Variants in PPP3CB observed in about 807,000 individuals in gnomAD.
PPP3CB encodes the protein serine/threonine-protein phosphatase 2B catalytic subunit beta isoform.
PPP3CB carries 8 observed loss-of-function variants against 66.4 expected under a neutral mutation model. The ratio of observed to expected loss-of-function variants is 0.12; its 90% CI spans 0.07 to 0.22. The LOEUF is 0.22. Ranked by LOEUF, PPP3CB falls within the 10% of genes least tolerant of loss-of-function variation. PPP3CB has a pLI of 1.00. For missense variants in PPP3CB, 319 were observed against 642.5 expected, an observed-to-expected ratio of 0.50 and a Z score of 5.44; for synonymous variants, 208 against 221.2, an observed-to-expected ratio of 0.94 and a Z score of 0.53.
At chr10:73,463,458 T>C (rs1564557516) in intron 9 of PPP3CB, among the ~76,000 whole-genome samples, 1 of 152,234 alleles carries the variant, frequency 6.6e-6, no homozygotes, top group Non-Finnish European at 1.5e-5. Flanking sequence ...CTTTTTCTAC[T>C]ACTGTCCTTC....
intron 9 of PPP3CB, among the ~76,000 whole-genome samples, chr10:73,464,193 G>T: frequency 6.6e-6 from 1 of 152,178 alleles, no homozygotes. Context: ...CTCCCAAAGT[G>T]CTGGGATTAC....
intron 12 of PPP3CB, among the ~76,000 whole-genome samples, chr10:73,441,025 T>C (rs888470807): frequency 6.6e-6 from 1 of 152,214 alleles, no homozygotes; most frequent in African/African-American, 2.4e-5. Flanking sequence ...ACTCAGAATA[T>C]TTGTAAAAGT....
At position 73,481,364 on chromosome 10, in the gene PPP3CB, C is replaced by A. The variant is rs533156278; in HGVS notation, c.86-1847G>T. On this transcript the variant is annotated intron_variant, in intron 1 of 13. Coordinates refer to ENST00000360663, the MANE Select transcript of PPP3CB (RefSeq NM_021132.4). The stretch of plus-strand genomic sequence containing the variant: ...GTGCACACCTGTAGTCCCAGCTACT[C>A]AAGAGGGTGACGCAGGAGAATCACT... Among the ~76,000 whole-genome samples the A allele has an allele frequency of 3.3e-5, 5 of 151,276 alleles. No individual in the cohort carries two copies. In the South Asian group the frequency reaches 8.3e-4, roughly 25 times the overall value.
At chr10:73,481,698 T>C (rs887300864) in intron 1 of PPP3CB, among the ~76,000 whole-genome samples, 3 of 150,726 alleles carry the variant, frequency 2.0e-5, no homozygotes, top group Non-Finnish European at 2.9e-5. Flanking sequence ...CACATTCTCA[T>C]ACCAGGAGAA....
At chr10:73,473,257 G>A (rs79381027) in intron 4 of PPP3CB, among the ~76,000 whole-genome samples, 7,514 of 152,190 alleles carry the variant, frequency 0.049, 556 homozygotes, top group African/African-American at 0.16. Context: ...TCTCTACTTA[G>A]TATGACCTTT....
intron 1 of PPP3CB, among the ~76,000 whole-genome samples, chr10:73,491,070 G>A (rs113713186): frequency 0.081 from 9,409 of 116,872 alleles, 523 homozygotes; most frequent in East Asian, 0.33. Flanking sequence ...TTGCTCTGTC[G>A]CCCAGGCTGG....
At chr10:73,459,843 G>A (rs947341239) in intron 9 of PPP3CB, among the ~76,000 whole-genome samples, 4 of 152,130 alleles carry the variant, frequency 2.6e-5, no homozygotes, top group African/African-American at 9.7e-5. Context: ...TGGGCACAGG[G>A]TTTCTTTGGA....
chr10:73,485,501 C>A (rs1396667050), intron 1 of PPP3CB, among the ~76,000 whole-genome samples: 1 of 152,208 alleles, frequency 6.6e-6, no homozygotes, highest in African/African-American at 2.4e-5. Flanking sequence ...AATAACTTGA[C>A]TCCAAAGTAT....
Position 73,436,533 on chromosome 10 carries a change from C to T in PPP3CB, c.*1709G>A, listed in dbSNP as rs1024026723. Reference sequence around the variant, plus strand: ...AACATATTTTCTTTCAATTAAAAGACAATAAACAGTGATCTTAAATATTAG... The same window carrying T: ...AACATATTTTCTTTCAATTAAAAGATAATAAACAGTGATCTTAAATATTAG... On this transcript the variant is annotated 3_prime_UTR_variant, in exon 14 of 14. Coordinates refer to ENST00000360663, the MANE Select transcript of PPP3CB (RefSeq NM_021132.4). 1 of 152,020 alleles carries T rather than the reference C, an allele frequency of 6.6e-6. No homozygotes were observed. The highest frequency in any genetic ancestry group is 2.4e-5 in the African/African-American group (1 of 41,382). 9.4% of individuals were successfully genotyped at this position (152,020 alleles called of 1,614,324 possible). A position where few individuals can be genotyped will look rare whatever the true frequency, so the allele number is the denominator to read the frequency against.
chr10:73,454,606 T>A lies in PPP3CB; in HGVS notation c.1109-117A>T, dbSNP rs191758441. ...GTTTAGCCCAAGAAAGCAAACACAT[T>A]CTTATACCAAGATCGATGGAATTTA... On this transcript the variant is annotated intron_variant, in intron 9 of 13. Transcript: ENST00000360663. 292 of 556,574 alleles carry A rather than the reference T, an allele frequency of 5.2e-4. 4 individuals carry two copies. The highest frequency in any genetic ancestry group is 2.5e-5 in the Non-Finnish European group (8 of 323,520). The allele number at this position is 556,574 out of a possible 1,614,324, so 34.5% of individuals were successfully genotyped here.
At chr10:73,460,265 CAAAAAA>C (rs11447229) in intron 9 of PPP3CB, among the ~76,000 whole-genome samples, 16 of 35,828 alleles carry the variant, frequency 4.5e-4, no homozygotes, top group African/African-American at 1.3e-3. Context: ...AAAGTAATAG[CAAAAAA>C]AAAAAAAAAA....
At chr10:73,467,910 A>G (rs893812226) in intron 8 of PPP3CB, among the ~76,000 whole-genome samples, 3 of 152,162 alleles carry the variant, frequency 2.0e-5, no homozygotes, top group African/African-American at 7.2e-5. Flanking sequence ...CACATTACTA[A>G]TGAAATTTCC....
At chr10:73,468,159 T>G (rs139708274) in intron 8 of PPP3CB, among the ~76,000 whole-genome samples, 1 of 152,130 alleles carries the variant, frequency 6.6e-6, no homozygotes, top group African/African-American at 2.4e-5. Flanking sequence ...ATTTGGAACA[T>G]TTTACTTATA....
At chr10:73,444,484 C>A in intron 12 of PPP3CB, 2 of 1,210,892 alleles carry the variant, frequency 1.7e-6, no homozygotes, top group Admixed American at 2.5e-5. Flanking sequence ...CATATCATTT[C>A]ATGAAAAGCT....
intron 1 of PPP3CB, among the ~76,000 whole-genome samples, chr10:73,481,057 T>C (rs1388058342): frequency 8.5e-5 from 13 of 152,164 alleles, no homozygotes; most frequent in Admixed American, 7.9e-4. Context: ...CTTTACTGAA[T>C]AGTACTTTGT....
chr10:73,492,273 C>G (rs2057091843), intron 1 of PPP3CB, among the ~76,000 whole-genome samples: 1 of 152,178 alleles, frequency 6.6e-6, no homozygotes, highest in Non-Finnish European at 1.5e-5. Flanking sequence ...ATGCCCAATA[C>G]TGACAATGCT....
chr10:73,493,561 C>A (rs2057113106), intron 1 of PPP3CB, among the ~76,000 whole-genome samples: 1 of 152,154 alleles, frequency 6.6e-6, no homozygotes, highest in Non-Finnish European at 1.5e-5. Context: ...ATTTCTGGAT[C>A]TGTAAGAAAG....
chr10:73,495,646 C>T (rs1157271224), intron 1 of PPP3CB, 159 bp downstream of exon 1: 28 of 1,149,210 alleles, frequency 2.4e-5, no homozygotes, highest in Non-Finnish European at 3.1e-5. Flanking sequence ...CCGACTCAGC[C>T]CTGCCCAGCA....
chr10:73,475,467 T>C (rs1797012770), intron 3 of PPP3CB, among the ~76,000 whole-genome samples: 1 of 152,200 alleles, frequency 6.6e-6, no homozygotes, highest in Non-Finnish European at 1.5e-5. Flanking sequence ...AAGTATGTAA[T>C]ATCATCTTTA....
Sources: gnomAD v4.1 joint callset for allele counts (sites outside exome capture counted in the v4.1 genomes callset) on GRCh38, gnomAD v4.1.1 for gene constraint, MANE v1.5 for transcripts, NCBI Gene and HGNC (gene_info 2026-07-23, HGNC 2026-07-21) for gene names.